TTLL6: variants seen among roughly 807,000 people sequenced by gnomAD.
TTLL6 encodes the protein tubulin tyrosine ligase like 6.
TTLL6 carries 75 observed loss-of-function variants against 96.4 expected under a neutral mutation model. The ratio of observed to expected loss-of-function variants is 0.78; its 90% CI spans 0.65 to 0.94. TTLL6 has a LOEUF of 0.94. Ranked by LOEUF, TTLL6 falls within the 40% of genes least tolerant of loss-of-function variation. The probability of loss-of-function intolerance (pLI) is 0.00; values close to 1 mark genes in which losing one functional copy is unlikely to be tolerated. For synonymous variants in TTLL6, 411 were observed against 419.4 expected, an observed-to-expected ratio of 0.98 and a Z score of 0.24; for missense variants, 1,030 against 1,093.0, an observed-to-expected ratio of 0.94 and a Z score of 0.81.
At chr17:48,805,712 C>T (rs539341616) in intron 1 of TTLL6, among the ~76,000 whole-genome samples, 1 of 152,346 alleles carries the variant, frequency 6.6e-6, no homozygotes, top group East Asian at 1.9e-4. Flanking sequence ...GCGGCTCACG[C>T]CTGTAATCCC....
At chr17:48,793,858 G>A (rs2143392436) in intron 8 of TTLL6, among the ~76,000 whole-genome samples, 1 of 152,292 alleles carries the variant, frequency 6.6e-6, no homozygotes, top group Non-Finnish European at 1.5e-5. Flanking sequence ...TTATCACTAG[G>A]AAAAGAAATG....
At chr17:48,802,003 C>A (rs1043378650) in intron 3 of TTLL6, among the ~76,000 whole-genome samples, 2 of 150,298 alleles carry the variant, frequency 1.3e-5, no homozygotes, top group East Asian at 3.9e-4. Flanking sequence ...CGTGATCATG[C>A]CACTGCACTT....
Position 48,790,113 on chromosome 17 carries a change from G to A in TTLL6, c.1225-7C>T, listed in dbSNP as rs765694055. On this transcript the variant is annotated splice_region_variant and splice_polypyrimidine_tract_variant and intron_variant, in intron 9 of 15. Transcript: ENST00000393382. ...AGCTTGGAGAGTGGTTGACCTGTGA[G>A]GGCAAGATTGGCAGCTGGTGACAAA... 3 of 1,612,616 alleles carry A rather than the reference G, an allele frequency of 1.9e-6. No homozygotes were observed. The highest frequency in any genetic ancestry group is 2.2e-5 in the South Asian group (2 of 90,794).
At chr17:48,791,264 G>T in intron 9 of TTLL6, 114 bp downstream of exon 9, 1 of 875,632 alleles carries the variant, frequency 1.1e-6, no homozygotes, top group Non-Finnish European at 1.8e-6. Context: ...CACCATGGGA[G>T]GAAGTGGCCT....
At chr17:48,782,921 G>A (rs979973913) in intron 13 of TTLL6, among the ~76,000 whole-genome samples, 17 of 150,752 alleles carry the variant, frequency 1.1e-4, no homozygotes, top group Non-Finnish European at 2.5e-4. Context: ...TCATGTTGCC[G>A]AGGCTGGTCT....
chr17:48,803,156 G>A (rs979519718), intron 3 of TTLL6, among the ~76,000 whole-genome samples: 4 of 152,122 alleles, frequency 2.6e-5, no homozygotes, highest in African/African-American at 9.7e-5. Context: ...GGCAACAAGA[G>A]TGAAACCCAG....
chr17:48,791,703 C>A, intron 8 of TTLL6, 100 bp from the exon 9 acceptor site: 1 of 1,020,330 alleles, frequency 9.8e-7, no homozygotes, highest in Non-Finnish European at 1.4e-6. Context: ...AGACAAGGCT[C>A]CAGAGCCAGC....
chr17:48,780,926 G>GC (rs1356616871), intron 13 of TTLL6, among the ~76,000 whole-genome samples: 8 of 151,952 alleles, frequency 5.3e-5, no homozygotes, highest in African/African-American at 1.9e-4. Flanking sequence ...TCTACCTCTT[G>GC]GTTATTATGA....
At chr17:48,804,572 T>C in intron 2 of TTLL6, 200 bp downstream of exon 2, 1 of 679,348 alleles carries the variant, frequency 1.5e-6, no homozygotes, top group Admixed American at 2.1e-5. Context: ...TTTTTTAGAT[T>C]ACACACACAA....
At chr17:48,766,929 T>C (rs2038623908) in intron 15 of TTLL6, among the ~76,000 whole-genome samples, 1 of 56,544 alleles carries the variant, frequency 1.8e-5, no homozygotes, top group Non-Finnish European at 4.3e-5. Context: ...GTTTTTGTTG[T>C]TGTTGTTTTG....
At chr17:48,764,671 C>T (rs1389886774) in intron 15 of TTLL6, among the ~76,000 whole-genome samples, 1 of 152,206 alleles carries the variant, frequency 6.6e-6, no homozygotes, top group Non-Finnish European at 1.5e-5. Context: ...ACATTCTGCT[C>T]CGTCTGCAAA....
Position 48,804,902 on chromosome 17 carries a change from C to T in TTLL6, c.193G>A (p.Glu65Lys). ...LESQEGENSE[E>K]KGDSSKEDPK... ...TCTTCTTTGGAACTGTCCCCCTTCT[C>T]TTCGGAGTTTTCCCCTTCCTGGCTT... The change falls in exon 2 of 16, where the codon GAG (glutamate) becomes AAG (lysine). Residue 65 changes from glutamate to lysine, a missense_variant. By Grantham distance (56) the Glu-to-Lys change is moderately conservative. Transcript: ENST00000393382. 2.6e-6 allele frequency: 4 copies of T among 1,552,182 alleles called. No homozygotes were observed. In the South Asian group the frequency reaches 4.8e-5, roughly 18 times the overall value.
intron 6 of TTLL6, among the ~76,000 whole-genome samples, chr17:48,799,278 C>T (rs2039369889): frequency 6.6e-6 from 1 of 152,254 alleles, no homozygotes; most frequent in Non-Finnish European, 1.5e-5. Flanking sequence ...AAGAGAAAAG[C>T]TGATTGCTCT....
Position 48,769,831 on chromosome 17 carries a change from C to T in TTLL6, c.2307G>A (p.Lys769=). The T allele has an allele frequency of 6.2e-7, 1 of 1,614,250 alleles. No homozygotes were observed. Among genetic ancestry groups the T allele is most frequent in the Non-Finnish European group, 8.5e-7 (1 of 1,180,052 alleles). Residue 769 remains lysine, a synonymous_variant, in exon 14 of 16, where the codon AAG becomes AAA. Coordinates refer to ENST00000393382, the MANE Select transcript of TTLL6 (RefSeq NM_001130918.3). ...NWTLLKSDMN[K]PHLISELLTK... is the part of the protein sequence containing the mutation. The stretch of plus-strand genomic sequence containing the variant: ...TGAGTAGCTCGGATATCAAATGTGG[C>T]TTGTTCATGTCACTCTTTAGCAAAG...
At position 48,803,494 on chromosome 17, in the gene TTLL6, AC is replaced by A. The variant is rs1264301360; in HGVS notation, c.361+396del. Among the ~76,000 whole-genome samples, 9 of 151,172 alleles carry A rather than the reference AC, an allele frequency of 6.0e-5. 1 individual carries two copies. The highest frequency in any genetic ancestry group is 1.9e-4 in the East Asian group (1 of 5,152). ...GCAAGATTCCGTGTCAAAAAAAAAA[AC>A]AAAAAAAAAAAACAGCAACAGCAAC... On this transcript the variant is annotated intron_variant, in intron 3 of 15. Coordinates refer to ENST00000393382, the MANE Select transcript of TTLL6 (RefSeq NM_001130918.3).
rs1221255779 is a variant in TTLL6, at chr17:48,817,046, C to G, written c.27G>C (p.Ser9=). The G allele has an allele frequency of 6.5e-7, 1 of 1,544,846 alleles. No homozygotes were observed. Among genetic ancestry groups the G allele is most frequent in the Admixed American group, 2.0e-5 (1 of 50,404 alleles). Residue 9 remains serine, a synonymous_variant, in exon 1 of 16, where the codon TCG becomes TCC. Coordinates refer to ENST00000393382, the MANE Select transcript of TTLL6 (RefSeq NM_001130918.3). The part of the protein sequence containing the change: MGALLLHP[S]RRGPAGVVAS... The stretch of plus-strand genomic sequence containing the variant: ...CAACCACACCTGCCGGCCCCCTCCT[C>G]GAAGGATGAAGGAGTAACGCTCCCA...
intron 13 of TTLL6, among the ~76,000 whole-genome samples, chr17:48,774,724 T>TCCAAATATTTGTATCCAAAA (rs2038837242): frequency 6.6e-6 from 1 of 152,186 alleles, no homozygotes; most frequent in Admixed American, 6.6e-5. Flanking sequence ...GTTATTTGGA[T>TCCAAATATTTGTATCCAAAA]AGTCTTATAT....
At chr17:48,793,736 A>T (rs1346396907) in intron 8 of TTLL6, among the ~76,000 whole-genome samples, 2 of 152,194 alleles carry the variant, frequency 1.3e-5, no homozygotes, top group African/African-American at 4.8e-5. Flanking sequence ...GACCCAGGTA[A>T]GTTACTTAAC....
Position 48,790,024 on chromosome 17 carries a change from A to G in TTLL6, c.1307T>C (p.Leu436Pro). ...KDGLLYDTLV[L>P]INLESCDKKK... Reference sequence around the variant, plus strand: ...CTTGTCACAGCTTTCCAGGTTGATCAGGACTAAGGTGTCATACAGCAGACC... The same window carrying G: ...CTTGTCACAGCTTTCCAGGTTGATCGGGACTAAGGTGTCATACAGCAGACC... The change falls in exon 10 of 16, where the codon CTG (leucine) becomes CCG (proline). Residue 436 changes from leucine (L) to proline (P), a missense_variant. By Grantham distance (98) the Leu-to-Pro change is moderately conservative (BLOSUM62 -3). Transcript: ENST00000393382. 6.2e-7 allele frequency: 1 copy of G among 1,614,176 alleles called. No homozygotes were observed. The highest frequency in any genetic ancestry group is 1.1e-5 in the South Asian group (1 of 91,082).
Sources: allele counts gnomAD v4.1 joint callset (sites outside exome capture counted in the v4.1 genomes callset), GRCh38; gene constraint gnomAD v4.1.1; transcripts MANE v1.5; gene names NCBI Gene and HGNC (gene_info 2026-07-23, HGNC 2026-07-21).